The following SORBS2 variants were observed in gnomAD, a reference collection of about 807,000 sequenced individuals.
The protein encoded by SORBS2 is sorbin and SH3 domain-containing protein 2.
In SORBS2, 46 loss-of-function variants were observed where a neutral mutation model predicts 97.7. That is an observed-to-expected ratio of 0.47 (90% CI 0.37 to 0.60). The LOEUF is 0.60. SORBS2 is among the 20% of genes least tolerant of loss of function. The pLI is 0.00. For synonymous variants in SORBS2, 476 were observed against 473.4 expected (o/e 1.01, Z -0.07); for missense variants, 1,316 against 1,282.3 (o/e 1.03, Z -0.40).
At chr4:185,666,959 C>T (rs1236470391) in intron 4 of SORBS2, among the ~76,000 whole-genome samples, 2 of 151,940 alleles carry the variant, frequency 1.3e-5, no homozygotes, top group Non-Finnish European at 2.9e-5. Context: ...TATATATAGC[C>T]CAAGAGGCTA....
chr4:185,752,521 C>T (rs1410957256), intron 2 of SORBS2, among the ~76,000 whole-genome samples: 3 of 152,138 alleles, frequency 2.0e-5, no homozygotes, highest in Non-Finnish European at 4.4e-5. Context: ...TGTGATCTGC[C>T]CGCCTCGGCC....
rs187659075 is a variant in SORBS2 at position 185,666,073 on chromosome 4, C to G, written c.-45-3831G>C. On this transcript the variant is annotated intron_variant, in intron 4 of 20. Coordinates refer to the SORBS2 transcript ENST00000284776. ...GAGTGATGCTGAGCTGGTGCCACTGCCTGGTGAGAAAGTGGCTCGGTTCAA... is the reference window on the plus strand; with the variant it reads ...GAGTGATGCTGAGCTGGTGCCACTGGCTGGTGAGAAAGTGGCTCGGTTCAA... 4 of 1,289,698 alleles carry G rather than the reference C, an allele frequency of 3.1e-6. No individual in the cohort carries two copies. In the Middle Eastern group the frequency reaches 6.4e-4, roughly 206 times the overall value. The allele number at this position is 1,289,698 out of a possible 1,614,324, so 79.9% of individuals were successfully genotyped here. A position where few individuals can be genotyped will look rare whatever the true frequency, so the allele number is the denominator to read the frequency against.
exon 6 of SORBS2, chr4:185,627,004 G>A: frequency 1.9e-6 from 3 of 1,614,078 alleles, no homozygotes; most frequent in Non-Finnish European, 2.5e-6. Context: ...TGAAGTCACT[G>A]GCCATGCTTG....
At chr4:185,900,791 C>G (rs377734669) in intron 1 of SORBS2, among the ~76,000 whole-genome samples, 68 of 150,462 alleles carry the variant, frequency 4.5e-4, no homozygotes, top group South Asian at 2.9e-3. Context: ...GACAGGGAAA[C>G]AGAGAGAGAG....
Position 185,646,641 on chromosome 4 carries a change from A to T in SORBS2, c.396+27T>A, listed in dbSNP as rs1581729202. 4.2e-6 allele frequency: 6 copies of T among 1,434,332 alleles called. No homozygotes were observed. In the East Asian group the frequency reaches 1.4e-4, roughly 33 times the overall value. The allele number at this position is 1,434,332 out of a possible 1,614,324, so 88.9% of individuals were successfully genotyped here. On this transcript the variant is annotated intron_variant, in intron 4 of 14. Coordinates refer to ENST00000418609, the Ensembl canonical transcript of SORBS2. ...AGCCCTGGGAGCCCAGCGAGCTGGCATATTCTGTTTAATGACAAGTGCTTA... is the reference window on the plus strand; with the variant it reads ...AGCCCTGGGAGCCCAGCGAGCTGGCTTATTCTGTTTAATGACAAGTGCTTA...
chr4:185,933,651 TC>T (rs1214578337), intron 1 of SORBS2, among the ~76,000 whole-genome samples: 1 of 151,904 alleles, frequency 6.6e-6, no homozygotes, highest in Non-Finnish European at 1.5e-5. Flanking sequence ...TGTCCAAACT[TC>T]CCCTTTTTAT....
chr4:185,780,758 G>A (rs780561137), intron 1 of SORBS2, among the ~76,000 whole-genome samples: 2 of 152,216 alleles, frequency 1.3e-5, no homozygotes, highest in African/African-American at 4.8e-5. Flanking sequence ...TTTAGTAGGC[G>A]ATTTGTCATC....
chr4:185,710,418 G>A (rs1479841355), intron 2 of SORBS2, among the ~76,000 whole-genome samples: 1 of 152,222 alleles, frequency 6.6e-6, no homozygotes, highest in Non-Finnish European at 1.5e-5. Context: ...AACCTTTTAT[G>A]TACATGATTC....
intron 14 of SORBS2, among the ~76,000 whole-genome samples, chr4:185,588,584 G>T (rs1020911453): frequency 2.0e-5 from 1 of 49,232 alleles, no homozygotes; most frequent in African/African-American, 5.2e-5. Context: ...GCCATTTTAC[G>T]TTTCTCCTCC....
At chr4:185,870,944 C>G (rs957763801) in intron 1 of SORBS2, among the ~76,000 whole-genome samples, 1 of 152,208 alleles carries the variant, frequency 6.6e-6, no homozygotes, top group African/African-American at 2.4e-5. Flanking sequence ...TGGTCACTCT[C>G]TTTAGCTTCT....
intron 4 of SORBS2, among the ~76,000 whole-genome samples, chr4:185,670,080 G>T (rs552088492): frequency 6.6e-6 from 1 of 151,992 alleles, no homozygotes; most frequent in Non-Finnish European, 1.5e-5. Context: ...TTAGCCAGGC[G>T]TGATGGCAGG....
intron 1 of SORBS2, among the ~76,000 whole-genome samples, chr4:185,936,548 T>C (rs1409004445): frequency 6.6e-6 from 1 of 152,212 alleles, no homozygotes; most frequent in Non-Finnish European, 1.5e-5. Context: ...CAGAAATTAA[T>C]TTTTAAAGTA....
chr4:185,661,959 G>T (rs922955144), upstream of SORBS2: 6 of 794,030 alleles, frequency 7.6e-6, no homozygotes, highest in African/African-American at 8.7e-5. Flanking sequence ...CTCCCATGTT[G>T]GGTCCTCTGC....
intron 12 of SORBS2, among the ~76,000 whole-genome samples, chr4:185,605,799 G>C (rs1290295099): frequency 1.3e-5 from 2 of 152,210 alleles, no homozygotes; most frequent in African/African-American, 4.8e-5. Context: ...TGGCCAGGCT[G>C]ATCTCAAATT....
At chr4:185,769,836 G>C (rs1325955253) in intron 2 of SORBS2, among the ~76,000 whole-genome samples, 1 of 152,196 alleles carries the variant, frequency 6.6e-6, no homozygotes, top group Non-Finnish European at 1.5e-5. Flanking sequence ...TATTAATACA[G>C]TGAAAAATAA....
At chr4:185,585,524 A>ATACT (rs1202315089) in exon 15 of SORBS2, 1 of 152,270 alleles carries the variant, frequency 6.6e-6, no homozygotes, top group Non-Finnish European at 1.5e-5. Context: ...AAACTGAAGT[A>ATACT]TACTTCCAAG....
At chr4:185,621,633 G>T (rs1463469870) in intron 7 of SORBS2, among the ~76,000 whole-genome samples, 1 of 151,970 alleles carries the variant, frequency 6.6e-6, no homozygotes, top group Admixed American at 6.5e-5. Flanking sequence ...AAAGATAAAC[G>T]TAAGTGTATA....
At chr4:185,955,923 A>G (rs13117631) in intron 1 of SORBS2, among the ~76,000 whole-genome samples, 24,405 of 151,780 alleles carry the variant, frequency 0.16, 2,271 homozygotes, top group Middle Eastern at 0.25. Flanking sequence ...TGAAAGCTGC[A>G]TTTGTAACCA....
intron 1 of SORBS2, among the ~76,000 whole-genome samples, chr4:185,850,471 C>T (rs1277211482): frequency 1.3e-5 from 2 of 152,184 alleles, no homozygotes; most frequent in African/African-American, 2.4e-5. Context: ...TCCTTGGTAT[C>T]CTGGCATCAC....
Sources: gnomAD v4.1 joint callset for allele counts (sites outside exome capture counted in the v4.1 genomes callset) on GRCh38, gnomAD v4.1.1 for gene constraint, MANE v1.5 for transcripts, NCBI Gene and HGNC (gene_info 2026-07-23, HGNC 2026-07-21) for gene names.